Variants in CNST observed in about 807,000 individuals in gnomAD.
CNST encodes the protein consortin.
A neutral mutation model predicts 72.4 loss-of-function variants in CNST; 39 were observed. That is an observed-to-expected ratio of 0.54 (90% CI 0.42 to 0.70). The LOEUF is 0.70. CNST is among the 30% of genes least tolerant of loss of function. CNST has a pLI of 0.00. For synonymous variants in CNST, 332 were observed against 320.1 expected, an observed-to-expected ratio of 1.04 and a Z score of -0.40; for missense variants, 871 against 868.5, an observed-to-expected ratio of 1.00 and a Z score of -0.04.
intron 2 of CNST, among the ~76,000 whole-genome samples, chr1:246,611,214 A>G (rs570957498): frequency 6.6e-6 from 1 of 152,280 alleles, no homozygotes; most frequent in Admixed American, 6.5e-5. Flanking sequence ...GGCAAGTAAA[A>G]ACACCCAAAG....
intron 8 of CNST, among the ~76,000 whole-genome samples, chr1:246,642,291 A>G (rs1453412253): frequency 1.3e-5 from 2 of 152,006 alleles, no homozygotes; most frequent in Non-Finnish European, 2.9e-5. Flanking sequence ...TAAAATTCTT[A>G]TGTTTTCAGT....
chr1:246,662,070 T>C (rs904228490), intron 10 of CNST, among the ~76,000 whole-genome samples: 7 of 152,234 alleles, frequency 4.6e-5, no homozygotes, highest in African/African-American at 1.7e-4. Context: ...CTGAGTTCCA[T>C]CATCTTTAAA....
At chr1:246,652,627 G>A (rs1028552021) in intron 9 of CNST, among the ~76,000 whole-genome samples, 4 of 152,108 alleles carry the variant, frequency 2.6e-5, no homozygotes, top group African/African-American at 9.7e-5. Context: ...GTTTCAGATT[G>A]AAGTGATTTT....
chr1:246,621,920 G>A (rs1664119936), intron 3 of CNST, among the ~76,000 whole-genome samples: 1 of 152,144 alleles, frequency 6.6e-6, no homozygotes, highest in Non-Finnish European at 1.5e-5. Context: ...ACTCAAGCCT[G>A]GGAGGCAAAG....
chr1:246,599,295 C>G (rs1662102802), intron 2 of CNST, among the ~76,000 whole-genome samples: 2 of 152,138 alleles, frequency 1.3e-5, no homozygotes, highest in Non-Finnish European at 2.9e-5. Flanking sequence ...AATTTATTAT[C>G]TTACAGTTCT....
At chr1:246,657,166 A>G (rs1558597861) in intron 9 of CNST, among the ~76,000 whole-genome samples, 1 of 152,166 alleles carries the variant, frequency 6.6e-6, no homozygotes, top group South Asian at 2.1e-4. Flanking sequence ...GTGGTAAGAA[A>G]AAATTCTGTT....
Position 246,566,572 on chromosome 1 carries a change from CCG to C in CNST, c.-142_-141del. ...GAGCCAGGGGAGACCCGAGCAAGCTCCGTGACAGCACGTCGGCCGCCATGTCG... is the reference window on the plus strand; with the variant it reads ...GAGCCAGGGGAGACCCGAGCAAGCTCTGACAGCACGTCGGCCGCCATGTCG... On this transcript the variant is annotated 5_prime_UTR_variant, in exon 1 of 11. Transcript: ENST00000366513. The C allele has an allele frequency of 2.5e-6, 1 of 405,738 alleles. No homozygotes were observed. The highest frequency in any genetic ancestry group is 4.4e-6 in the Non-Finnish European group (1 of 229,060). 25.1% of individuals were successfully genotyped at this position (405,738 alleles called of 1,614,324 possible).
At chr1:246,643,583 G>C (rs1665858791) in intron 8 of CNST, among the ~76,000 whole-genome samples, 1 of 152,158 alleles carries the variant, frequency 6.6e-6, no homozygotes, top group African/African-American at 2.4e-5. Flanking sequence ...TCACTTGCTT[G>C]GTGCTTTGAT....
At chr1:246,622,044 T>G (rs1329034869) in intron 3 of CNST, among the ~76,000 whole-genome samples, 1 of 152,186 alleles carries the variant, frequency 6.6e-6, no homozygotes, top group Admixed American at 6.5e-5. Flanking sequence ...GCAATCTCTG[T>G]AAAATTGACT....
chr1:246,574,980 A>ATTTATTTCTTTC (rs1303795448), intron 1 of CNST, among the ~76,000 whole-genome samples: 2 of 146,112 alleles, frequency 1.4e-5, no homozygotes, highest in Non-Finnish European at 3.0e-5. Flanking sequence ...TATTTTATTT[A>ATTTATTTCTTTC]TTTATTTATT....
intron 2 of CNST, among the ~76,000 whole-genome samples, chr1:246,601,287 A>C (rs900112425): frequency 1.1e-4 from 16 of 152,194 alleles, no homozygotes; most frequent in African/African-American, 3.9e-4. Flanking sequence ...CCTGTGACAG[A>C]ATGAGACTCT....
At chr1:246,661,111 A>C (rs886216814) in intron 10 of CNST, among the ~76,000 whole-genome samples, 1 of 152,138 alleles carries the variant, frequency 6.6e-6, no homozygotes, top group Non-Finnish European at 1.5e-5. Flanking sequence ...CTGGGCTTAC[A>C]GGCACATGCC....
At chr1:246,659,430 T>A (rs1666957390) in intron 9 of CNST, among the ~76,000 whole-genome samples, 1 of 152,020 alleles carries the variant, frequency 6.6e-6, no homozygotes, top group Admixed American at 6.6e-5. Flanking sequence ...CCGTCTCTAC[T>A]GAAAATACAA....
chr1:246,598,271 C>T (rs1199158439), intron 2 of CNST, among the ~76,000 whole-genome samples: 1 of 152,066 alleles, frequency 6.6e-6, no homozygotes, highest in Non-Finnish European at 1.5e-5. Flanking sequence ...AGGCAGGAGC[C>T]ACTGCACCAG....
chr1:246,611,514 A>G (rs956175185), intron 2 of CNST, among the ~76,000 whole-genome samples: 2 of 152,198 alleles, frequency 1.3e-5, no homozygotes, highest in African/African-American at 4.8e-5. Flanking sequence ...TCATATTTTT[A>G]TACAAAAGCA....
intron 10 of CNST, among the ~76,000 whole-genome samples, chr1:246,665,211 A>G (rs547415849): frequency 3.3e-5 from 5 of 152,062 alleles, no homozygotes; most frequent in Admixed American, 3.3e-4. Context: ...CTCTACCAAA[A>G]AATAAAAAAT....
At chr1:246,634,313 T>C (rs1006145044) in intron 5 of CNST, 160 bp from the exon 6 acceptor site, 1 of 571,276 alleles carries the variant, frequency 1.8e-6, no homozygotes, top group Non-Finnish European at 3.1e-6. Context: ...TTTACTTATA[T>C]TGAAAAGTAA....
chr1:246,660,928 C>T (rs1162863985), intron 10 of CNST, among the ~76,000 whole-genome samples: 1 of 151,860 alleles, frequency 6.6e-6, no homozygotes, highest in Admixed American at 6.6e-5. Flanking sequence ...CAGTTTCCCT[C>T]TTTAGTACTT....
chr1:246,610,952 G>C (rs916037929), intron 2 of CNST, among the ~76,000 whole-genome samples: 1 of 152,006 alleles, frequency 6.6e-6, no homozygotes. Flanking sequence ...CCCTCCGCCC[G>C]CTTGGCCGTG....
Sources: allele counts gnomAD v4.1 joint callset (sites outside exome capture counted in the v4.1 genomes callset), GRCh38; gene constraint gnomAD v4.1.1; transcripts MANE v1.5; gene names NCBI Gene and HGNC (gene_info 2026-07-23, HGNC 2026-07-21).